The following LY75 variants were observed in gnomAD, a reference collection of about 807,000 sequenced individuals.
The protein encoded by LY75 is C-type lectin domain family 13 member B.
LY75 carries 185 observed loss-of-function variants against 231.7 expected under a neutral mutation model. That is an observed-to-expected ratio of 0.80 (90% CI 0.71 to 0.90). The LOEUF (loss-of-function observed/expected upper bound fraction) is 0.90, where lower values mean the gene tolerates loss of function less well. Among genes scored for constraint, LY75 ranks in the 40% least tolerant of loss-of-function variants. The probability of loss-of-function intolerance (pLI) is 0.00; values close to 1 mark genes in which losing one functional copy is unlikely to be tolerated. For missense variants in LY75, 1,947 were observed against 2,050.2 expected (o/e 0.95, Z 0.97); for synonymous variants, 668 against 689.0 (o/e 0.97, Z 0.48).
rs1466215002 is a variant in LY75 at position 159,852,077 on chromosome 2, G to A, written c.2883+124C>T. On this transcript the variant is annotated intron_variant, in intron 21 of 34. Coordinates refer to ENST00000263636, the MANE Select transcript of LY75 (RefSeq NM_002349.4). ...TTCTGGCAACACAGAGGGCCAGGTGGGATCCTGAAACATGCAGAGTCTATT... is the reference window on the plus strand; with the variant it reads ...TTCTGGCAACACAGAGGGCCAGGTGAGATCCTGAAACATGCAGAGTCTATT... 6.6e-6 allele frequency: 9 copies of A among 1,360,130 alleles called. No individual in the cohort carries two copies. In the Admixed American group the frequency reaches 2.4e-4, roughly 36 times the overall value. 84.3% of individuals were successfully genotyped at this position (1,360,130 alleles called of 1,614,324 possible).
intron 13 of LY75, 116 bp downstream of exon 13, chr2:159,872,335 G>C: frequency 1.5e-6 from 2 of 1,356,228 alleles, no homozygotes; most frequent in Non-Finnish European, 2.0e-6. Context: ...TGACCTTTTA[G>C]ATAATAAAAC....
chr2:159,901,087 C>T (rs1218111331), intron 1 of LY75, among the ~76,000 whole-genome samples: 2 of 152,190 alleles, frequency 1.3e-5, no homozygotes, highest in Non-Finnish European at 2.9e-5. Flanking sequence ...GATCCACCCA[C>T]TTCGGCCTCC....
At chr2:159,873,158 AAG>A (rs1273087382) in intron 12 of LY75, among the ~76,000 whole-genome samples, 1 of 152,082 alleles carries the variant, frequency 6.6e-6, no homozygotes, top group Non-Finnish European at 1.5e-5. Context: ...AAGAAGAAAG[AAG>A]AAAGAAGAAA....
chr2:159,817,008 GTAT>G lies in LY75; in HGVS notation c.4175_4177del (p.Asn1392del). On this transcript the variant is annotated inframe_deletion, in exon 30 of 35. Coordinates refer to ENST00000263636, the MANE Select transcript of LY75 (RefSeq NM_002349.4). ...ATATGGCATAAACTGTGGCAGTGTA[GTAT>G]TATATTCTTCTTTGTAGTCAACTAT... 6.2e-7 allele frequency: 1 copy of G among 1,612,876 alleles called. No individual in the cohort carries two copies. Among genetic ancestry groups the G allele is most frequent in the Non-Finnish European group, 8.5e-7 (1 of 1,179,406 alleles).
chr2:159,807,902 T>G, intron 33 of LY75: 4 of 985,296 alleles, frequency 4.1e-6, no homozygotes, highest in Non-Finnish European at 4.8e-6. Context: ...TATCTGCAAT[T>G]TTATAGGTTG....
rs189562828 is a variant in LY75, at chr2:159,838,454, T to C, written c.3507+2275A>G. 8.2e-4 allele frequency among the ~76,000 whole-genome samples: 125 copies of C among 152,242 alleles called. No homozygotes were observed. The Middle Eastern group carries it at 0.044, about 54-fold the overall frequency. On this transcript the variant is annotated intron_variant, in intron 25 of 34. Coordinates refer to ENST00000263636, the MANE Select transcript of LY75 (RefSeq NM_002349.4). ...TGTCTAAAAAATAAATAGGTACACA[T>C]AGAAAAATAACTTGAAAGATCCATA...
chr2:159,848,089 TATATACAC>T lies in LY75; in HGVS notation c.3150+1883_3150+1890del, dbSNP rs1351291057. ...GTGTGTATATATATATATATATATA[TATATACAC>T]ACACACATACACACACCATATATAC... On this transcript the variant is annotated intron_variant, in intron 23 of 34. Transcript: ENST00000263636. Among the ~76,000 whole-genome samples, 55 of 45,114 alleles carry T rather than the reference TATATACAC, an allele frequency of 1.2e-3. 3 individuals carry two copies. In the East Asian group the frequency reaches 0.073, roughly 60 times the overall value. 29.6% of individuals were successfully genotyped at this position (45,114 alleles called of 152,430 possible).
In LY75 at chr2:159,854,520, T is replaced by C. The variant is rs1028532222; in HGVS notation, c.2435A>G (p.His812Arg). The C allele has an allele frequency of 2.0e-5, 32 of 1,612,440 alleles. No individual in the cohort carries two copies. The highest frequency in any genetic ancestry group is 2.6e-5 in the Non-Finnish European group (31 of 1,179,364). Residue 812 changes from histidine (H) to arginine (R), a missense_variant, in exon 18 of 35, where the codon CAT becomes CGT. By Grantham distance (29) the His-to-Arg change is conservative. Coordinates refer to ENST00000263636, the MANE Select transcript of LY75 (RefSeq NM_002349.4). ...TCCTTCAATTATAAGTGGAGGTCCATGAATTCCAGCACGGTCTAAAGAAGA... is the reference window on the plus strand; with the variant it reads ...TCCTTCAATTATAAGTGGAGGTCCACGAATTCCAGCACGGTCTAAAGAAGA... The part of the protein sequence containing the change: ...DWYNPDRAGI[H>R]GPPLIIEGSE...
intron 23 of LY75, among the ~76,000 whole-genome samples, chr2:159,849,686 C>T (rs780372064): frequency 3.9e-5 from 6 of 152,120 alleles, no homozygotes; most frequent in Non-Finnish European, 8.8e-5. Flanking sequence ...ATTTAAAGTA[C>T]ATATTCAATA....
At position 159,872,526 on chromosome 2, in the gene LY75, A is replaced by C; in HGVS notation, c.2042T>G (p.Leu681Arg). The C allele has an allele frequency of 6.2e-7, 1 of 1,614,026 alleles. No homozygotes were observed. Among genetic ancestry groups the C allele is most frequent in the African/African-American group, 1.3e-5 (1 of 75,048 alleles). Residue 681 changes from leucine (L) to arginine (R), a missense_variant, in exon 13 of 35, where the codon CTT becomes CGT. Transcript: ENST00000263636. ...GCTGAAGCTAGAAAGGTGTGCTCCA[A>C]GGGCTTGGCAGAATCGTTCAGCTTC... ...WEEAERFCQA[L>R]GAHLSSFSHV...
At chr2:159,821,702 T>C (rs1683298896) in intron 28 of LY75, among the ~76,000 whole-genome samples, 2 of 151,764 alleles carry the variant, frequency 1.3e-5, no homozygotes, top group South Asian at 4.2e-4. Context: ...TTCTTACATA[T>C]GCACAAATGA....
chr2:159,863,377 T>C (rs958785164), intron 14 of LY75, among the ~76,000 whole-genome samples: 5 of 152,170 alleles, frequency 3.3e-5, no homozygotes, highest in Non-Finnish European at 5.9e-5. Flanking sequence ...GGGACCTTCA[T>C]AGTGTTTTCA....
chr2:159,835,323 T>C (rs1299618082), intron 26 of LY75, among the ~76,000 whole-genome samples, 157 bp downstream of exon 26: 1 of 152,170 alleles, frequency 6.6e-6, no homozygotes, highest in Non-Finnish European at 1.5e-5. Context: ...TAATTCTACT[T>C]GAATACAAAT....
At chr2:159,850,788 AT>A (rs1684367476) in intron 21 of LY75, among the ~76,000 whole-genome samples, 7 of 106,812 alleles carry the variant, frequency 6.6e-5, no homozygotes, top group Non-Finnish European at 1.0e-4. Context: ...ATATATATAT[AT>A]ATATATATAT....
At chr2:159,846,800 A>C (rs1684215959) in intron 23 of LY75, among the ~76,000 whole-genome samples, 1 of 152,208 alleles carries the variant, frequency 6.6e-6, no homozygotes, top group Non-Finnish European at 1.5e-5. Flanking sequence ...TCATAAAATC[A>C]ATAAGAAATA....
chr2:159,827,658 C>T (rs187644254), intron 28 of LY75, among the ~76,000 whole-genome samples: 10 of 152,262 alleles, frequency 6.6e-5, no homozygotes, highest in Admixed American at 2.6e-4. Flanking sequence ...TGTATGCACA[C>T]GTATGTTTAT....
chr2:159,846,004 C>T (rs1206311655), intron 23 of LY75, among the ~76,000 whole-genome samples: 1 of 150,650 alleles, frequency 6.6e-6, no homozygotes, highest in Non-Finnish European at 1.5e-5. Context: ...TGCTGTGTTG[C>T]CCAGGCTGGT....
At chr2:159,879,705 T>G (rs13006413) in intron 8 of LY75, among the ~76,000 whole-genome samples, 41,464 of 152,106 alleles carry the variant, frequency 0.27, 5,875 homozygotes, top group South Asian at 0.51. Flanking sequence ...TAGACTAGAA[T>G]GGCATAGCCA....
In LY75 at chr2:159,893,908, A is replaced by G. The variant is rs1304804719; in HGVS notation, c.637+6T>C. On this transcript the variant is annotated splice_donor_region_variant and intron_variant, in intron 3 of 34. Transcript: ENST00000263636. ...TTCCACATAAAATTTACCAGCCCAT[A>G]CATACCAGGCTTTAAGCAGATGCCC... 6.2e-7 allele frequency: 1 copy of G among 1,604,654 alleles called. No homozygotes were observed. The highest frequency in any genetic ancestry group is 1.3e-5 in the African/African-American group (1 of 74,516).
Sources: allele counts gnomAD v4.1 joint callset (sites outside exome capture counted in the v4.1 genomes callset), GRCh38; gene constraint gnomAD v4.1.1; transcripts MANE v1.5; gene names NCBI Gene and HGNC (gene_info 2026-07-23, HGNC 2026-07-21).